Variants in SLC7A13 observed in about 807,000 individuals in gnomAD.
SLC7A13 encodes the protein solute carrier family 7 member 13.
A neutral mutation model predicts 32.0 loss-of-function variants in SLC7A13; 31 were observed. That is an observed-to-expected ratio of 0.97 (90% CI 0.73 to 1.31). The LOEUF (loss-of-function observed/expected upper bound fraction) is 1.31. Ranked by LOEUF, SLC7A13 falls within the 50% of genes most tolerant of loss-of-function variation. The pLI, the probability that SLC7A13 is intolerant of heterozygous loss-of-function variation, is 0.00. For synonymous variants in SLC7A13, 232 were observed against 206.9 expected (o/e 1.12, Z -1.04); for missense variants, 633 against 546.9 (o/e 1.16, Z -1.57).
At position 86,214,238 on chromosome 8, in the gene SLC7A13, C is replaced by T; in HGVS notation, c.*175G>A. 1 of 495,042 alleles carries T rather than the reference C, an allele frequency of 2.0e-6. No individual in the cohort carries two copies. The highest frequency in any genetic ancestry group is 3.5e-6 in the Non-Finnish European group (1 of 282,496). The allele number at this position is 495,042 out of a possible 1,614,324, so 30.7% of individuals were successfully genotyped here. On this transcript the variant is annotated 3_prime_UTR_variant, in exon 4 of 4. Transcript: ENST00000297524. ...AGCTTTTAGCAATTTCTTAGTGACT[C>T]TGAAGCCAGGTACTGTCTTAGGCAC...
intron 2 of SLC7A13, among the ~76,000 whole-genome samples, chr8:86,219,532 C>T (rs1448966444): frequency 6.6e-6 from 1 of 152,142 alleles, no homozygotes; most frequent in Non-Finnish European, 1.5e-5. Context: ...TCCTCACCAG[C>T]CTCCCATTCA....
In SLC7A13 at chr8:86,230,313, C is replaced by T. The variant is rs1436116482; in HGVS notation, c.-36G>A. 2 of 1,487,166 alleles carry T rather than the reference C, an allele frequency of 1.3e-6. No homozygotes were observed. The highest frequency in any genetic ancestry group is 2.8e-5 in the African/African-American group (2 of 71,150). 92.1% of individuals were successfully genotyped at this position (1,487,166 alleles called of 1,614,324 possible). The stretch of plus-strand genomic sequence containing the variant: ...GAGTTTTAAAATTCTATATAAATTA[C>T]AATTTCTAGATTTTCCTGCCTATGT... On this transcript the variant is annotated 5_prime_UTR_variant, in exon 1 of 4. Transcript: ENST00000297524.
chr8:86,220,796 C>A (rs922358686), intron 2 of SLC7A13, among the ~76,000 whole-genome samples: 2 of 151,896 alleles, frequency 1.3e-5, no homozygotes, highest in Non-Finnish European at 2.9e-5. Context: ...TGAGGTCAGA[C>A]CAGCCTGGCC....
intron 1 of SLC7A13, among the ~76,000 whole-genome samples, chr8:86,229,210 G>T (rs140302195): frequency 6.6e-6 from 1 of 151,932 alleles, no homozygotes; most frequent in Non-Finnish European, 1.5e-5. Flanking sequence ...GCCTCAATGC[G>T]TCATACCTAC....
intron 1 of SLC7A13, among the ~76,000 whole-genome samples, 175 bp downstream of exon 1, chr8:86,229,418 G>A (rs1820443258): frequency 6.6e-6 from 1 of 152,126 alleles, no homozygotes; most frequent in Non-Finnish European, 1.5e-5. Context: ...AGCCTAAATA[G>A]GAAAATAATT....
intron 1 of SLC7A13, among the ~76,000 whole-genome samples, chr8:86,225,731 G>T (rs1375559686): frequency 3.9e-5 from 6 of 152,004 alleles, no homozygotes; most frequent in Non-Finnish European, 8.8e-5. Flanking sequence ...AGGCCAGTCT[G>T]AGCAACATGC....
At chr8:86,216,376 C>T (rs909428302) in intron 3 of SLC7A13, among the ~76,000 whole-genome samples, 1 of 152,186 alleles carries the variant, frequency 6.6e-6, no homozygotes, top group Admixed American at 6.5e-5. Flanking sequence ...TAGCAATCGT[C>T]ACACCGTGAT....
chr8:86,230,191 T>G lies in SLC7A13; in HGVS notation c.87A>C (p.Ala29=), dbSNP rs1299919384. 1.9e-6 allele frequency: 3 copies of G among 1,614,100 alleles called. No homozygotes were observed. The highest frequency in any genetic ancestry group is 2.5e-6 in the Non-Finnish European group (3 of 1,180,004). Residue 29 remains alanine (A), a synonymous_variant, in exon 1 of 4, where the codon GCA becomes GCC. Coordinates refer to ENST00000297524, the MANE Select transcript of SLC7A13 (RefSeq NM_138817.3). ...CACCTTTGGGGGACACAAAAATTCC[T>G]GCACCAATGATATTAATAAGCAAAA... ...TSFLLINIIG[A]GIFVSPKGVL...
intron 1 of SLC7A13, among the ~76,000 whole-genome samples, chr8:86,226,538 C>A (rs775990068): frequency 7.2e-5 from 11 of 152,182 alleles, no homozygotes; most frequent in Non-Finnish European, 1.5e-4. Flanking sequence ...CTATACCACT[C>A]TGAGCCTCCT....
At chr8:86,227,642 G>A (rs1820410597) in intron 1 of SLC7A13, among the ~76,000 whole-genome samples, 1 of 152,184 alleles carries the variant, frequency 6.6e-6, no homozygotes, top group African/African-American at 2.4e-5. Context: ...GCACTTGCAT[G>A]TTTATTGCAG....
At chr8:86,224,599 T>A (rs1011245639) in intron 1 of SLC7A13, among the ~76,000 whole-genome samples, 1 of 152,204 alleles carries the variant, frequency 6.6e-6, no homozygotes, top group Non-Finnish European at 1.5e-5. Context: ...ATTGTTCCAT[T>A]CATCACACCA....
Position 86,214,644 on chromosome 8 carries a change from C to T in SLC7A13, c.1182G>A (p.Val394=). 1.2e-6 allele frequency: 2 copies of T among 1,602,130 alleles called. No individual in the cohort carries two copies. The highest frequency in any genetic ancestry group is 1.7e-6 in the Non-Finnish European group (2 of 1,173,996). ...TTGTTGCTAATGGAAATGACAAAAA[C>T]ACCTGAAAAGAGCAAAGTTTGAAAA... The part of the protein sequence containing the change: ...QEPNLSIPYK[V]FLSFPLATIV... The change falls in exon 4 of 4, where the codon GTG becomes GTA. Residue 394 remains valine, a splice_region_variant and synonymous_variant. Transcript: ENST00000297524.
Position 86,217,534 on chromosome 8 carries a change from A to G in SLC7A13, c.1115T>C (p.Ile372Thr). 2 of 1,610,516 alleles carry G rather than the reference A, an allele frequency of 1.2e-6. No individual in the cohort carries two copies. The highest frequency in any genetic ancestry group is 2.2e-5 in the East Asian group (1 of 44,798). ...YIFFTGSLWS[I>T]LLMIGILRRR... Reference sequence around the variant, plus strand: ...CCTTAGTATTCCTATCATTAATAATATAGACCATAATGAACCCGTGAAAAA... The same window carrying G: ...CCTTAGTATTCCTATCATTAATAATGTAGACCATAATGAACCCGTGAAAAA... Residue 372 changes from isoleucine to threonine, a missense_variant, in exon 3 of 4, where the codon ATA becomes ACA. Ile to Thr is a moderately conservative substitution (Grantham distance 89). Coordinates refer to ENST00000297524, the MANE Select transcript of SLC7A13 (RefSeq NM_138817.3).
At chr8:86,225,559 A>G (rs1260383727) in intron 1 of SLC7A13, among the ~76,000 whole-genome samples, 2 of 152,150 alleles carry the variant, frequency 1.3e-5, no homozygotes, top group Admixed American at 1.3e-4. Context: ...GGAGATTACA[A>G]TTTAATTTAT....
rs772359769 is a variant in SLC7A13, at chr8:86,214,537, A to C, written c.1289T>G (p.Leu430Arg). Residue 430 changes from leucine (L) to arginine (R), a missense_variant, in exon 4 of 4, where the codon CTC becomes CGC. By Grantham distance (102) the Leu-to-Arg change is moderately radical (BLOSUM62 -2). Transcript: ENST00000297524. ...AGGTATGTAAAATAGTAATCCGCTG[A>C]GAACTAACAGAAGCACGTAGACATA... ...VHYVYVLLLV[L>R]SGLLFYIPLI... The C allele has an allele frequency of 3.1e-6, 5 of 1,613,560 alleles. No homozygotes were observed. Among genetic ancestry groups the C allele is most frequent in the Non-Finnish European group, 3.4e-6 (4 of 1,179,718 alleles).
intron 1 of SLC7A13, among the ~76,000 whole-genome samples, chr8:86,227,010 A>G (rs1215534602): frequency 6.6e-6 from 1 of 152,216 alleles, no homozygotes; most frequent in African/African-American, 2.4e-5. Context: ...TTAAACCATG[A>G]TGTACATTTT....
chr8:86,229,552 TAA>T (rs1299737565), intron 1 of SLC7A13, 39 bp downstream of exon 1: 7 of 1,491,404 alleles, frequency 4.7e-6, no homozygotes, highest in Middle Eastern at 1.8e-4. Context: ...TTGTATGCAA[TAA>T]GTCATGATTT....
chr8:86,226,412 A>G (rs1363939811), intron 1 of SLC7A13, among the ~76,000 whole-genome samples: 3 of 152,240 alleles, frequency 2.0e-5, no homozygotes, highest in Admixed American at 6.5e-5. Context: ...AAATTCACCA[A>G]TGACTTCTTA....
Position 86,230,363 on chromosome 8 carries a change from C to A in SLC7A13, c.-86G>T. On this transcript the variant is annotated 5_prime_UTR_variant, in exon 1 of 4. Coordinates refer to ENST00000297524, the MANE Select transcript of SLC7A13 (RefSeq NM_138817.3). ...TAGCTGCAAAGGATGTTGATGGATT[C>A]CTGAAATAAAATAATTCTGTCCTTC... 1.7e-6 allele frequency: 2 copies of A among 1,207,704 alleles called. No homozygotes were observed. The highest frequency in any genetic ancestry group is 1.8e-5 in the South Asian group (1 of 56,062). The allele number at this position is 1,207,704 out of a possible 1,614,324, so 74.8% of individuals were successfully genotyped here.
Sources: gnomAD v4.1 joint callset for allele counts (sites outside exome capture counted in the v4.1 genomes callset) on GRCh38, gnomAD v4.1.1 for gene constraint, MANE v1.5 for transcripts, NCBI Gene and HGNC (gene_info 2026-07-23, HGNC 2026-07-21) for gene names.